Variants in KIRREL3 observed in about 807,000 individuals in gnomAD.
KIRREL3 encodes kin of IRRE-like protein 3.
A neutral mutation model predicts 89.7 loss-of-function variants in KIRREL3; 36 were observed. That is an observed-to-expected ratio of 0.40 (90% CI 0.31 to 0.53). KIRREL3 has a LOEUF of 0.53. Ranked by LOEUF, KIRREL3 falls within the 20% of genes least tolerant of loss-of-function variation. The probability of loss-of-function intolerance (pLI) is 0.49; values close to 1 mark genes in which losing one functional copy is unlikely to be tolerated. For synonymous variants in KIRREL3, 445 were observed against 441.4 expected (o/e 1.01, Z -0.10); for missense variants, 864 against 1,056.6 (o/e 0.82, Z 2.53).
Position 126,476,847 on chromosome 11 carries a change from G to A in KIRREL3, c.434-3381C>T, listed in dbSNP as rs907844667. On this transcript the variant is annotated intron_variant, in intron 4 of 16. Coordinates refer to ENST00000525144, the MANE Select transcript of KIRREL3 (RefSeq NM_032531.4). This position sits in a 1 kb window ranked among gnomAD's most constrained non-coding sequence, Gnocchi z 6.4. ...GGGAGGAAGTTTCAGAGTGGTCCCCGCTTGGAGATGTATTATTCATCACCC... is the reference window on the plus strand; with the variant it reads ...GGGAGGAAGTTTCAGAGTGGTCCCCACTTGGAGATGTATTATTCATCACCC... Among the ~76,000 whole-genome samples, 7 of 152,216 alleles carry A rather than the reference G, an allele frequency of 4.6e-5. No individual in the cohort carries two copies. Among genetic ancestry groups the A allele is most frequent in the Admixed American group, 1.3e-4 (2 of 15,272 alleles).
intron 1 of KIRREL3, among the ~76,000 whole-genome samples, chr11:126,625,018 G>A (rs1591833251): frequency 6.6e-6 from 1 of 152,122 alleles, no homozygotes; most frequent in South Asian, 2.1e-4. Flanking sequence ...GGCCTTAGGA[G>A]CTTATACCAT....
intron 4 of KIRREL3, among the ~76,000 whole-genome samples, chr11:126,511,071 G>A (rs953898344): frequency 2.0e-5 from 3 of 152,050 alleles, no homozygotes; most frequent in Non-Finnish European, 4.4e-5. Context: ...GTGTGTGTGT[G>A]TGTGTTGGAG....
Position 126,441,914 on chromosome 11 carries a change from G to A in KIRREL3, c.1253-1365C>T, listed in dbSNP as rs984617502. ...GGTCTAGGACCCAAAGAGATGAGGA[G>A]ATTGATGTTTTAGGAACCGGATGGT... On this transcript the variant is annotated intron_variant, in intron 10 of 16. Transcript: ENST00000525144. This position sits in a 1 kb window ranked among gnomAD's most constrained non-coding sequence, Gnocchi z 5.0. 3.9e-5 allele frequency among the ~76,000 whole-genome samples: 6 copies of A among 152,152 alleles called. No individual in the cohort carries two copies. The highest frequency in any genetic ancestry group is 8.8e-5 in the Non-Finnish European group (6 of 68,040).
rs946009272 is a variant in KIRREL3 at position 126,867,321 on chromosome 11, C to T, written c.55+133134G>A. Among the ~76,000 whole-genome samples the T allele has an allele frequency of 1.3e-5, 2 of 152,246 alleles. No individual in the cohort carries two copies. Among genetic ancestry groups the T allele is most frequent in the Admixed American group, 1.3e-4 (2 of 15,288 alleles). On this transcript the variant is annotated intron_variant, in intron 1 of 16. Coordinates refer to ENST00000525144, the MANE Select transcript of KIRREL3 (RefSeq NM_032531.4). The surrounding 1 kb of genome is among the most constrained non-coding windows in gnomAD (Gnocchi z 4.7). ...GCTGGGACTCTCCTCTCATTACCTG[C>T]ACTCCAATGGGTCCAGGTGCCTCGA...
intron 1 of KIRREL3, among the ~76,000 whole-genome samples, chr11:126,803,760 C>T (rs1433425279): frequency 1.3e-5 from 2 of 152,142 alleles, no homozygotes; most frequent in Non-Finnish European, 2.9e-5. Context: ...GGGGTTTTTA[C>T]CTCTTTTCTA....
chr11:126,866,641 T>C, intron 1 of KIRREL3, among the ~76,000 whole-genome samples: 1 of 148,380 alleles, frequency 6.7e-6, no homozygotes, highest in African/African-American at 2.5e-5. Flanking sequence ...CCTGCCACCC[T>C]CCTCACTGCC....
chr11:126,910,837 G>A (rs1946787436), intron 1 of KIRREL3, among the ~76,000 whole-genome samples: 1 of 152,232 alleles, frequency 6.6e-6, no homozygotes, highest in South Asian at 2.1e-4. Context: ...ATCTCTGATG[G>A]CAGGGACTGC....
In KIRREL3 at chr11:126,817,537, ATGGT is replaced by A. The variant is rs952547766; in HGVS notation, c.55+182914_55+182917del. Among the ~76,000 whole-genome samples, 7 of 152,166 alleles carry A rather than the reference ATGGT, an allele frequency of 4.6e-5. No homozygotes were observed. Among genetic ancestry groups the A allele is most frequent in the African/African-American group, 1.4e-4 (6 of 41,436 alleles). Reference sequence around the variant, plus strand: ...AGCATCCCCAGTCCTCTGGTGTCCTATGGTTGGAACCCCTGCTCGGTACTCCCTG... The same window carrying A: ...AGCATCCCCAGTCCTCTGGTGTCCTATGGAACCCCTGCTCGGTACTCCCTG... On this transcript the variant is annotated intron_variant, in intron 1 of 16. Transcript: ENST00000525144. This position sits in a 1 kb window ranked among gnomAD's most constrained non-coding sequence, Gnocchi z 5.7.
At chr11:126,517,063 A>G (rs1653845092) in intron 4 of KIRREL3, among the ~76,000 whole-genome samples, 1 of 151,810 alleles carries the variant, frequency 6.6e-6, no homozygotes, top group Non-Finnish European at 1.5e-5. Context: ...GCCAGGCTCC[A>G]TCTCAAAAAA....
At chr11:126,567,853 T>G (rs539707355) in intron 1 of KIRREL3, among the ~76,000 whole-genome samples, 1 of 152,102 alleles carries the variant, frequency 6.6e-6, no homozygotes, top group Non-Finnish European at 1.5e-5. Flanking sequence ...CTCAAGTAAC[T>G]GCAGATGGAG....
intron 1 of KIRREL3, among the ~76,000 whole-genome samples, chr11:126,665,406 T>C (rs1333471218): frequency 6.6e-6 from 1 of 151,890 alleles, no homozygotes; most frequent in African/African-American, 2.4e-5. Flanking sequence ...CATGCTGTCA[T>C]GGTCTGAATG....
At position 126,677,870 on chromosome 11, in the gene KIRREL3, G is replaced by C. The variant is rs1946268431; in HGVS notation, c.56-114958C>G. On this transcript the variant is annotated intron_variant, in intron 1 of 16. Coordinates refer to ENST00000525144, the MANE Select transcript of KIRREL3 (RefSeq NM_032531.4). This position sits in a 1 kb window ranked among gnomAD's most constrained non-coding sequence, Gnocchi z 5.1. The stretch of plus-strand genomic sequence containing the variant: ...AGCCCTCAGATACCTGGTGCCCTGG[G>C]AATGTTCCCAACCAGATGATTATGG... 6.6e-6 allele frequency among the ~76,000 whole-genome samples: 1 copy of C among 152,088 alleles called. No individual in the cohort carries two copies. The highest frequency in any genetic ancestry group is 2.1e-4 in the South Asian group (1 of 4,818).
At chr11:126,688,461 C>T (rs1279909920) in intron 1 of KIRREL3, among the ~76,000 whole-genome samples, 1 of 152,120 alleles carries the variant, frequency 6.6e-6, no homozygotes, top group Admixed American at 6.6e-5. Context: ...GTTTTGGTTG[C>T]CTATTTCTTT....
At position 126,684,984 on chromosome 11, in the gene KIRREL3, C is replaced by G. The variant is rs1946612829; in HGVS notation, c.56-122072G>C. The stretch of plus-strand genomic sequence containing the variant: ...TTCCTCTCTCCCTCATTTCTGGCTT[C>G]CCTCTTTTTCTCCTTCCTCTTCTCC... On this transcript the variant is annotated intron_variant, in intron 1 of 16. Transcript: ENST00000525144. This position sits in a 1 kb window ranked among gnomAD's most constrained non-coding sequence, Gnocchi z 4.2. 6.6e-6 allele frequency among the ~76,000 whole-genome samples: 1 copy of G among 152,136 alleles called. No homozygotes were observed. The highest frequency in any genetic ancestry group is 1.5e-5 in the Non-Finnish European group (1 of 68,026).
rs944903972 is a variant in KIRREL3 at position 126,541,100 on chromosome 11, T to A, written c.134-14413A>T. Among the ~76,000 whole-genome samples the A allele has an allele frequency of 6.6e-5, 10 of 152,098 alleles. No homozygotes were observed. Among genetic ancestry groups the A allele is most frequent in the African/African-American group, 2.4e-4 (10 of 41,414 alleles). On this transcript the variant is annotated intron_variant, in intron 2 of 16. Coordinates refer to ENST00000525144, the MANE Select transcript of KIRREL3 (RefSeq NM_032531.4). The surrounding 1 kb of genome is among the most constrained non-coding windows in gnomAD (Gnocchi z 4.8). ...GCCCATCAACCCCTCTCAGAGGGCG[T>A]CAGCGTGGGCACCACCAGGAGAGGC...
In KIRREL3 at chr11:126,962,243, T is replaced by C. The variant is rs375385888; in HGVS notation, c.55+38212A>G. Among the ~76,000 whole-genome samples, 16 of 152,298 alleles carry C rather than the reference T, an allele frequency of 1.1e-4. No homozygotes were observed. In the South Asian group the frequency reaches 3.3e-3, roughly 32 times the overall value. ...CTCTGATGGATATGGGCAAAGTAAA[T>C]TGAAAACCTATTGGAAAGGATTCAT... On this transcript the variant is annotated intron_variant, in intron 1 of 16. Coordinates refer to ENST00000525144, the MANE Select transcript of KIRREL3 (RefSeq NM_032531.4).
chr11:126,433,468 A>C (rs1955209421), intron 13 of KIRREL3, among the ~76,000 whole-genome samples: 1 of 152,214 alleles, frequency 6.6e-6, no homozygotes, highest in East Asian at 1.9e-4. Flanking sequence ...TTAAGCTGGC[A>C]CATCCCTTTG....
In KIRREL3 at chr11:126,763,858, T is replaced by A. The variant is rs1159289129; in HGVS notation, c.56-200946A>T. Among the ~76,000 whole-genome samples, 1 of 152,176 alleles carries A rather than the reference T, an allele frequency of 6.6e-6. No individual in the cohort carries two copies. Among genetic ancestry groups the A allele is most frequent in the Non-Finnish European group, 1.5e-5 (1 of 68,034 alleles). On this transcript the variant is annotated intron_variant, in intron 1 of 16. Coordinates refer to ENST00000525144, the MANE Select transcript of KIRREL3 (RefSeq NM_032531.4). This position sits in a 1 kb window ranked among gnomAD's most constrained non-coding sequence, Gnocchi z 4.7. Reference sequence around the variant, plus strand: ...TCCTTTCCTACTTTGAAAACAGCAGTCTGTCTCATTAAGTATCCTACTTAG... The same window carrying A: ...TCCTTTCCTACTTTGAAAACAGCAGACTGTCTCATTAAGTATCCTACTTAG...
rs1207034953 is a variant in KIRREL3 at position 126,747,556 on chromosome 11, C to T, written c.56-184644G>A. The stretch of plus-strand genomic sequence containing the variant: ...CATGTTCCCTCTCTGCAAAGCAGTG[C>T]TCTCTGTGGTCGTGGCTGTGCTCAC... On this transcript the variant is annotated intron_variant, in intron 1 of 16. Coordinates refer to ENST00000525144, the MANE Select transcript of KIRREL3 (RefSeq NM_032531.4). The surrounding 1 kb of genome is among the most constrained non-coding windows in gnomAD (Gnocchi z 4.7). Among the ~76,000 whole-genome samples, 1 of 152,130 alleles carries T rather than the reference C, an allele frequency of 6.6e-6. No homozygotes were observed. Among genetic ancestry groups the T allele is most frequent in the Non-Finnish European group, 1.5e-5 (1 of 68,022 alleles).
Sources: allele counts gnomAD v4.1 joint callset (sites outside exome capture counted in the v4.1 genomes callset), GRCh38; gene constraint gnomAD v4.1.1; non-coding constraint Gnocchi (gnomAD v3.1); transcripts MANE v1.5; gene names NCBI Gene and HGNC (gene_info 2026-07-23, HGNC 2026-07-21).